Variants in VTI1A observed in about 807,000 individuals in gnomAD.
VTI1A encodes vesicle transport through interaction with t-SNAREs 1A.
In VTI1A, 22 loss-of-function variants were observed where a neutral mutation model predicts 34.9. That is an observed-to-expected ratio of 0.63 (90% CI 0.45 to 0.90). VTI1A has a LOEUF of 0.90. Among genes scored for constraint, VTI1A ranks in the 40% least tolerant of loss-of-function variants. The probability of loss-of-function intolerance (pLI) is 0.00; values close to 1 mark genes in which losing one functional copy is unlikely to be tolerated. For synonymous variants in VTI1A, 87 were observed against 97.3 expected (o/e 0.89, Z 0.62); for missense variants, 268 against 275.6 (o/e 0.97, Z 0.20).
At chr10:112,589,148 C>T (rs1474473132) in intron 5 of VTI1A, among the ~76,000 whole-genome samples, 1 of 151,906 alleles carries the variant, frequency 6.6e-6, no homozygotes, top group Non-Finnish European at 1.5e-5. Flanking sequence ...AACCTCTTTC[C>T]CCTTAATACA....
chr10:112,720,745 G>A (rs949626926), intron 7 of VTI1A, among the ~76,000 whole-genome samples: 3 of 152,094 alleles, frequency 2.0e-5, no homozygotes, highest in Non-Finnish European at 4.4e-5. Context: ...TTAGCGATAC[G>A]GATATTAGTG....
At chr10:112,828,400 AATTATT>A in the VTI1A span, among the ~76,000 whole-genome samples, 3 of 151,546 alleles carry the variant, frequency 2.0e-5, no homozygotes, top group Non-Finnish European at 4.4e-5. Context: ...AATGTTTTAA[AATTATT>A]ATTATTATTA....
At chr10:112,687,948 C>CTTTTTT (rs11442025) in intron 7 of VTI1A, among the ~76,000 whole-genome samples, 1 of 115,574 alleles carries the variant, frequency 8.7e-6, no homozygotes, top group Non-Finnish European at 1.8e-5. Flanking sequence ...GTGACCAAGT[C>CTTTTTT]TTTTTTTTTT....
intron 5 of VTI1A, among the ~76,000 whole-genome samples, chr10:112,593,974 A>G (rs1014207814): frequency 2.0e-5 from 3 of 151,940 alleles, no homozygotes; most frequent in African/African-American, 7.2e-5. Context: ...CAGTGGCGCT[A>G]TCTCAGCTCA....
intron 5 of VTI1A, among the ~76,000 whole-genome samples, chr10:112,606,434 A>C (rs1437190663): frequency 6.6e-6 from 1 of 152,126 alleles, no homozygotes; most frequent in Non-Finnish European, 1.5e-5. Context: ...AGCATCCTTT[A>C]CCACTCATTT....
intron 3 of VTI1A, among the ~76,000 whole-genome samples, chr10:112,487,463 G>C (rs1848681800): frequency 6.6e-6 from 1 of 152,112 alleles, no homozygotes; most frequent in South Asian, 2.1e-4. Flanking sequence ...GTTTATCATT[G>C]GCAATTGGAT....
At chr10:112,784,319 A>G (rs1421722500) in intron 7 of VTI1A, among the ~76,000 whole-genome samples, 1 of 152,224 alleles carries the variant, frequency 6.6e-6, no homozygotes, top group Non-Finnish European at 1.5e-5. Context: ...TAAACCTATT[A>G]TGCACTAATA....
intron 7 of VTI1A, among the ~76,000 whole-genome samples, chr10:112,789,571 A>T (rs780272148): frequency 6.6e-6 from 1 of 152,060 alleles, no homozygotes; most frequent in African/African-American, 2.4e-5. Flanking sequence ...TATGCTTGAT[A>T]TTGTCACACA....
At chr10:112,770,580 G>A (rs12768092) in intron 7 of VTI1A, among the ~76,000 whole-genome samples, 12,526 of 146,610 alleles carry the variant, frequency 0.085, 656 homozygotes, top group Admixed American at 0.13. Flanking sequence ...TTTTTTTTAT[G>A]TATTTTTAGT....
chr10:112,736,857 C>T lies in VTI1A; in HGVS notation c.560+67859C>T, dbSNP rs372752541. 5.3e-4 allele frequency: 474 copies of T among 893,278 alleles called. 1 individual carries two copies. The highest frequency in any genetic ancestry group is 6.8e-4 in the East Asian group (26 of 37,976). 55.3% of individuals were successfully genotyped at this position (893,278 alleles called of 1,614,324 possible). On this transcript the variant is annotated intron_variant, in intron 7 of 7. Transcript: ENST00000393077. Reference sequence around the variant, plus strand: ...TTCTCACTGAAAGAGCTGCCCTGGACGGAAAATGAGTAGTGAGATGATGCT... The same window carrying T: ...TTCTCACTGAAAGAGCTGCCCTGGATGGAAAATGAGTAGTGAGATGATGCT...
intron 2 of VTI1A, among the ~76,000 whole-genome samples, 158 bp from the exon 3 acceptor site, chr10:112,464,389 G>A (rs1185380482): frequency 1.3e-5 from 2 of 152,220 alleles, no homozygotes; most frequent in African/African-American, 4.8e-5. Flanking sequence ...AAAATTAAGT[G>A]TAAAAGTAGT....
At chr10:112,587,079 G>A (rs1844187687) in intron 5 of VTI1A, among the ~76,000 whole-genome samples, 1 of 152,026 alleles carries the variant, frequency 6.6e-6, no homozygotes, top group Admixed American at 6.6e-5. Context: ...TTTCAGTTGG[G>A]CCCTGACACT....
intron 3 of VTI1A, among the ~76,000 whole-genome samples, chr10:112,490,321 A>T (rs989884310): frequency 6.6e-6 from 1 of 152,232 alleles, no homozygotes; most frequent in Admixed American, 6.5e-5. Context: ...AGTTTGGCTC[A>T]CCGGTTGGTT....
chr10:112,710,675 A>ATGCTTT (rs138023404), intron 7 of VTI1A, among the ~76,000 whole-genome samples: 14,898 of 152,160 alleles, frequency 0.098, 868 homozygotes, highest in Middle Eastern at 0.14. Context: ...CTCTGAGCTC[A>ATGCTTT]TGCTTTGCCT....
chr10:112,734,268 G>A (rs1336148876), intron 7 of VTI1A, among the ~76,000 whole-genome samples: 5 of 151,998 alleles, frequency 3.3e-5, no homozygotes, highest in South Asian at 2.1e-4. Flanking sequence ...TCCCTCACCT[G>A]TATACCATGT....
chr10:112,737,427 G>A, intron 7 of VTI1A: 1 of 1,036,684 alleles, frequency 9.6e-7, no homozygotes, highest in Non-Finnish European at 1.2e-6. Context: ...TGACAAAAAT[G>A]AACTGAACAA....
intron 7 of VTI1A, among the ~76,000 whole-genome samples, chr10:112,724,154 A>G (rs1254166822): frequency 6.6e-6 from 1 of 152,130 alleles, no homozygotes; most frequent in Non-Finnish European, 1.5e-5. Context: ...TGGCACAGAG[A>G]TATTACAGGT....
chr10:112,534,210 T>C (rs1332907609), intron 4 of VTI1A, among the ~76,000 whole-genome samples: 1 of 152,164 alleles, frequency 6.6e-6, no homozygotes, highest in East Asian at 1.9e-4. Context: ...TTTTTGTGTG[T>C]GGCTCAGCAA....
intron 1 of VTI1A, among the ~76,000 whole-genome samples, chr10:112,451,200 C>A (rs543823523): frequency 1.3e-5 from 2 of 152,266 alleles, no homozygotes; most frequent in African/African-American, 4.8e-5. Flanking sequence ...AATTGCTTGG[C>A]CTTTCTAGGC....
Sources: allele counts gnomAD v4.1 joint callset (sites outside exome capture counted in the v4.1 genomes callset), GRCh38; gene constraint gnomAD v4.1.1; transcripts MANE v1.5; gene names NCBI Gene and HGNC (gene_info 2026-07-23, HGNC 2026-07-21).